TRIM33: variants seen among roughly 807,000 people sequenced by gnomAD.
TRIM33 encodes E3 ubiquitin-protein ligase TRIM33.
A neutral mutation model predicts 125.4 loss-of-function variants in TRIM33; 20 were observed. That is an observed-to-expected ratio of 0.16 (90% CI 0.11 to 0.23). The LOEUF is 0.23. Ranked by LOEUF, TRIM33 falls within the 10% of genes least tolerant of loss-of-function variation. TRIM33 has a pLI of 1.00. For missense variants in TRIM33, 920 were observed against 1,411.4 expected (o/e 0.65, Z 5.58); for synonymous variants, 564 against 513.9 (o/e 1.10, Z -1.32).
chr1:114,474,085 GAGATAGGGTCTCA>G (rs1472835508), intron 1 of TRIM33, among the ~76,000 whole-genome samples: 2 of 142,616 alleles, frequency 1.4e-5, no homozygotes, highest in African/African-American at 6.1e-5. Flanking sequence ...ATTTTTTGTA[GAGATAGGGTCTCA>G]CTATATCACC....
chr1:114,413,325 G>A (rs1273650901), intron 11 of TRIM33, among the ~76,000 whole-genome samples: 1 of 152,050 alleles, frequency 6.6e-6, no homozygotes, highest in Non-Finnish European at 1.5e-5. Flanking sequence ...TTAGGAGGCC[G>A]AGGTGAGCAG....
intron 1 of TRIM33, among the ~76,000 whole-genome samples, chr1:114,471,724 G>C (rs1011027921): frequency 6.6e-6 from 1 of 152,150 alleles, no homozygotes; most frequent in African/African-American, 2.4e-5. Context: ...AATAGGAATA[G>C]TGGGAATACT....
At chr1:114,502,290 T>C (rs1016123328) in intron 1 of TRIM33, among the ~76,000 whole-genome samples, 3 of 152,194 alleles carry the variant, frequency 2.0e-5, no homozygotes, top group African/African-American at 7.2e-5. Flanking sequence ...CATTATCATG[T>C]TCTTAATGTC....
chr1:114,421,194 G>A (rs1203600758), intron 11 of TRIM33, among the ~76,000 whole-genome samples: 1 of 152,120 alleles, frequency 6.6e-6, no homozygotes, highest in Non-Finnish European at 1.5e-5. Flanking sequence ...CATAGAAACA[G>A]AGGATAGAAA....
chr1:114,490,330 A>C (rs1002469148), intron 1 of TRIM33, among the ~76,000 whole-genome samples: 5 of 152,184 alleles, frequency 3.3e-5, no homozygotes, highest in African/African-American at 1.2e-4. Context: ...TGCAAATCAA[A>C]ACCACAATGA....
chr1:114,498,220 T>C (rs536634835), intron 1 of TRIM33, among the ~76,000 whole-genome samples: 12 of 151,240 alleles, frequency 7.9e-5, no homozygotes, highest in African/African-American at 2.4e-4. Flanking sequence ...AAAAGTCAAA[T>C]GAAAAATAAA....
chr1:114,455,288 C>T (rs1237419719), intron 4 of TRIM33, among the ~76,000 whole-genome samples: 1 of 152,194 alleles, frequency 6.6e-6, no homozygotes, highest in Non-Finnish European at 1.5e-5. Context: ...GAATAAGCAG[C>T]TGATAAGCTT....
intron 2 of TRIM33, 52 bp from the exon 3 acceptor site, chr1:114,463,608 T>TAAAA (rs34437690): frequency 1.3e-5 from 11 of 829,504 alleles, no homozygotes; most frequent in South Asian, 7.0e-5. Flanking sequence ...AATCTAGATC[T>TAAAA]AAAAAAAAAA....
chr1:114,482,862 C>G (rs1281716266), intron 1 of TRIM33, among the ~76,000 whole-genome samples: 3 of 152,154 alleles, frequency 2.0e-5, no homozygotes, highest in Non-Finnish European at 4.4e-5. Context: ...AAGGCCTCCC[C>G]AGAAGCAGAA....
chr1:114,432,091 TA>T (rs1456030350), intron 5 of TRIM33, among the ~76,000 whole-genome samples: 1 of 152,200 alleles, frequency 6.6e-6, no homozygotes, highest in African/African-American at 2.4e-5. Flanking sequence ...AAGGGGAAGT[TA>T]TCAGAGATTT....
intron 1 of TRIM33, among the ~76,000 whole-genome samples, chr1:114,510,338 C>T (rs923996166): frequency 1.3e-5 from 2 of 152,200 alleles, no homozygotes; most frequent in African/African-American, 4.8e-5. Flanking sequence ...CTCCCCCAGC[C>T]TCTCGCAGCC....
chr1:114,431,216 T>G (rs1332801147), intron 5 of TRIM33, among the ~76,000 whole-genome samples: 1 of 152,244 alleles, frequency 6.6e-6, no homozygotes, highest in Non-Finnish European at 1.5e-5. Context: ...CACCAGTGAC[T>G]TCTGGATAGT....
intron 1 of TRIM33, among the ~76,000 whole-genome samples, chr1:114,481,569 C>A (rs1292826856): frequency 1.4e-5 from 2 of 139,690 alleles, no homozygotes; most frequent in African/African-American, 2.7e-5. Flanking sequence ...CCAGCCTGGG[C>A]AACAGAGTGA....
At chr1:114,458,850 A>G (rs2101353091) in intron 4 of TRIM33, among the ~76,000 whole-genome samples, 1 of 152,254 alleles carries the variant, frequency 6.6e-6, no homozygotes, top group East Asian at 1.9e-4. Flanking sequence ...ACGTTAGCAA[A>G]ATAACCCTGG....
chr1:114,416,437 T>C (rs1317222879), intron 11 of TRIM33, among the ~76,000 whole-genome samples: 1 of 152,196 alleles, frequency 6.6e-6, no homozygotes, highest in East Asian at 1.9e-4. Flanking sequence ...TCTAGTTACC[T>C]AACTATATCA....
chr1:114,395,948 T>C lies in TRIM33; in HGVS notation c.*1700A>G, dbSNP rs1651522595. On this transcript the variant is annotated 3_prime_UTR_variant, in exon 20 of 20. Transcript: ENST00000358465. ...AATTTCTTTAGAGCACTTTATTTGATTCAATATGCATTAAAAAATATTGAC... is the reference window on the plus strand; with the variant it reads ...AATTTCTTTAGAGCACTTTATTTGACTCAATATGCATTAAAAAATATTGAC... 1 of 194,400 alleles carries C rather than the reference T, an allele frequency of 5.1e-6. No individual in the cohort carries two copies. The highest frequency in any genetic ancestry group is 6.1e-5 in the Admixed American group (1 of 16,436). The allele number at this position is 194,400 out of a possible 1,614,324, so 12.0% of individuals were successfully genotyped here.
At chr1:114,445,191 T>C (rs575030955) in intron 4 of TRIM33, among the ~76,000 whole-genome samples, 1 of 152,046 alleles carries the variant, frequency 6.6e-6, no homozygotes, top group Non-Finnish European at 1.5e-5. Context: ...TGTGACAAAA[T>C]CAAATAGTCT....
chr1:114,436,433 T>C (rs1348884559), intron 4 of TRIM33, among the ~76,000 whole-genome samples: 11 of 137,540 alleles, frequency 8.0e-5, no homozygotes, highest in African/African-American at 3.0e-4. Flanking sequence ...AAGATACTAA[T>C]AGCACAAAAA....
rs143389950 is a variant in TRIM33, at chr1:114,428,254, T to A, written c.1156-360A>T. ...AAATTTATGTAATCTTAATATACTTTAAAGGCCAAAAAAATTTTGTGTCAC... is the reference window on the plus strand; with the variant it reads ...AAATTTATGTAATCTTAATATACTTAAAAGGCCAAAAAAATTTTGTGTCAC... On this transcript the variant is annotated intron_variant, in intron 6 of 19. Coordinates refer to ENST00000358465, the MANE Select transcript of TRIM33 (RefSeq NM_015906.4). Among the ~76,000 whole-genome samples, 3 of 152,302 alleles carry A rather than the reference T, an allele frequency of 2.0e-5. No individual in the cohort carries two copies. The East Asian group carries it at 5.8e-4, about 29-fold the overall frequency.
Sources: allele counts gnomAD v4.1 joint callset (sites outside exome capture counted in the v4.1 genomes callset), GRCh38; gene constraint gnomAD v4.1.1; transcripts MANE v1.5; gene names NCBI Gene and HGNC (gene_info 2026-07-23, HGNC 2026-07-21).